Variants in KRT73 observed in about 807,000 individuals in gnomAD.
KRT73 encodes the protein keratin 73, also known as keratin, type II cytoskeletal 73.
KRT73 carries 44 observed loss-of-function variants against 47.2 expected under a neutral mutation model. That is an observed-to-expected ratio of 0.93 (90% CI 0.73 to 1.20). KRT73 has a LOEUF of 1.20. Among genes scored for constraint, KRT73 ranks in the 50% most tolerant of loss-of-function variants. The pLI, the probability that KRT73 is intolerant of heterozygous loss-of-function variation, is 0.00. For synonymous variants in KRT73, 285 were observed against 291.3 expected, an observed-to-expected ratio of 0.98 and a Z score of 0.22; for missense variants, 713 against 704.5, an observed-to-expected ratio of 1.01 and a Z score of -0.14.
chr12:52,617,691 C>T (rs1940839912), intron 1 of KRT73, among the ~76,000 whole-genome samples: 1 of 152,320 alleles, frequency 6.6e-6, no homozygotes, highest in East Asian at 1.9e-4. Flanking sequence ...AGAGACCGCT[C>T]TCATTGCTTC....
At position 52,616,297 on chromosome 12, in the gene KRT73, A is replaced by C. The variant is rs746449198; in HGVS notation, c.531T>G (p.Asn177Lys). Residue 177 changes from asparagine (N) to lysine (K), a missense_variant, in exon 2 of 9, where the codon AAT becomes AAG. Coordinates refer to ENST00000305748, the MANE Select transcript of KRT73 (RefSeq NM_175068.3). Reference sequence around the variant, plus strand: ...AGCCCTCAAGGATGGGCTCCAGGTTATTCTTGCAGTTGTTCAGGTCCAGCT... The same window carrying C: ...AGCCCTCAAGGATGGGCTCCAGGTTCTTCTTGCAGTTGTTCAGGTCCAGCT... ...LQQLDLNNCK[N>K]NLEPILEGYI... 2 of 1,614,026 alleles carry C rather than the reference A, an allele frequency of 1.2e-6. No individual in the cohort carries two copies. The highest frequency in any genetic ancestry group is 3.3e-5 in the Admixed American group (2 of 60,010).
intron 3 of KRT73, 123 bp from the exon 4 acceptor site, chr12:52,614,797 G>A (rs1236978244): frequency 2.8e-6 from 2 of 721,212 alleles, no homozygotes; most frequent in Non-Finnish European, 4.5e-6. Context: ...CCAAGGGGCA[G>A]GAACCGGCCT....
At chr12:52,614,925 A>G (rs1240951317) in intron 3 of KRT73, 2 of 526,672 alleles carry the variant, frequency 3.8e-6, no homozygotes, top group African/African-American at 1.9e-5. Context: ...TACCCCACTC[A>G]GCCAGTCATT....
the KRT73 span, among the ~76,000 whole-genome samples, chr12:52,627,328 T>C: frequency 1.3e-5 from 2 of 152,222 alleles, no homozygotes; most frequent in Non-Finnish European, 2.9e-5. Context: ...TTTGTATTAG[T>C]GTTGAGAACA....
chr12:52,628,880 G>A, the KRT73 span, among the ~76,000 whole-genome samples: 2 of 152,198 alleles, frequency 1.3e-5, no homozygotes, highest in African/African-American at 2.4e-5. Flanking sequence ...GCAGGTATGC[G>A]TGCTCAGGCA....
rs1253584175 is a variant in KRT73 at position 52,615,315 on chromosome 12, G to A, written c.687C>T (p.Arg229=). 1.9e-6 allele frequency: 3 copies of A among 1,613,896 alleles called. No individual in the cohort carries two copies. In the East Asian group the frequency reaches 6.7e-5, roughly 36 times the overall value. ...CCACAAATTCATTCTCAGCAGTTGTGCGCTTGTTTATTTCTTCTTCATACC... is the reference window on the plus strand; with the variant it reads ...CCACAAATTCATTCTCAGCAGTTGTACGCTTGTTTATTTCTTCTTCATACC... ...KKRYEEEINK[R]TTAENEFVVL... The change falls in exon 3 of 9, where the codon CGC becomes CGT. Residue 229 remains arginine (R), a synonymous_variant. Coordinates refer to ENST00000305748, the MANE Select transcript of KRT73 (RefSeq NM_175068.3).
the KRT73 span, among the ~76,000 whole-genome samples, chr12:52,626,353 T>G: frequency 5.9e-5 from 9 of 152,364 alleles, no homozygotes; most frequent in Admixed American, 5.9e-4. Context: ...TTTTAACCAC[T>G]ACTGCCTGAG....
At chr12:52,618,865 TG>T (rs1592246805), upstream of KRT73, among the ~76,000 whole-genome samples, 1 of 152,290 alleles carries the variant, frequency 6.6e-6, no homozygotes, top group East Asian at 1.9e-4. Context: ...CAGGGAGTGG[TG>T]GGGCCTGGGA....
At position 52,610,806 on chromosome 12, in the gene KRT73, G is replaced by A. The variant is rs146457780; in HGVS notation, c.1140C>T (p.Asp380=). The A allele has an allele frequency of 2.0e-4, 321 of 1,613,026 alleles. No homozygotes were observed. The highest frequency in any genetic ancestry group is 1.4e-3 in the South Asian group (131 of 91,046). Residue 380 remains aspartate, a synonymous_variant, in exon 7 of 9, where the codon GAC becomes GAT. Coordinates refer to ENST00000305748, the MANE Select transcript of KRT73 (RefSeq NM_175068.3). The part of the protein sequence containing the change: ...QCANLETAIA[D]AEQRGDCALK... ...GGGCACAGTCCCCCCGCTGCTCGGC[G>A]TCAGCGATGGCCGTCTCCAGGTTGG...
chr12:52,620,914 A>G (rs1408448790), upstream of KRT73, among the ~76,000 whole-genome samples: 1 of 152,190 alleles, frequency 6.6e-6, no homozygotes, highest in Non-Finnish European at 1.5e-5. Flanking sequence ...CCTAACGGCC[A>G]GAAATTTTCC....
In KRT73 at chr12:52,613,800, A is replaced by G; in HGVS notation, c.872T>C (p.Met291Thr). The G allele has an allele frequency of 3.7e-6, 6 of 1,614,248 alleles. No individual in the cohort carries two copies. Among genetic ancestry groups the G allele is most frequent in the African/African-American group, 2.7e-5 (2 of 75,068 alleles). ...HISDTSIILS[M>T]DNNRNLDLDS... ...CAGGTCCAGGTTCCGGTTGTTGTCC[A>G]TGGACAGGATGATGGACGTGTCGCT... The change falls in exon 5 of 9, where the codon ATG becomes ACG. Residue 291 changes from methionine (M) to threonine (T), a missense_variant. Transcript: ENST00000305748.
In KRT73 at chr12:52,610,430, G is replaced by A. The variant is rs896198559; in HGVS notation, c.1331+185C>T. The A allele has an allele frequency of 9.2e-6, 6 of 655,010 alleles. No individual in the cohort carries two copies. In the African/African-American group the frequency reaches 1.1e-4, roughly 12 times the overall value. The allele number at this position is 655,010 out of a possible 1,614,324, so 40.6% of individuals were successfully genotyped here. A position where few individuals can be genotyped will look rare whatever the true frequency, so the allele number is the denominator to read the frequency against. On this transcript the variant is annotated intron_variant, in intron 7 of 8. Transcript: ENST00000305748. ...ACCCAGCTAAGACTTTCTCCAAAGA[G>A]TCAAAAGAGAACTGTAAAGGAAATT...
chr12:52,608,122 G>A lies in KRT73; in HGVS notation c.*74C>T. ...AGGAGATGAGGACAAATGAGACAGA[G>A]GAATTTCCTAGAAGAGTCCGGAGCA... On this transcript the variant is annotated 3_prime_UTR_variant, in exon 9 of 9. Transcript: ENST00000305748. 4.7e-6 allele frequency: 7 copies of A among 1,479,062 alleles called. No homozygotes were observed. Among genetic ancestry groups the A allele is most frequent in the Non-Finnish European group, 4.6e-6 (5 of 1,094,472 alleles). The allele number at this position is 1,479,062 out of a possible 1,614,324, so 91.6% of individuals were successfully genotyped here.
rs768247627 is a variant in KRT73 at position 52,615,388 on chromosome 12, G to A, written c.663-49C>T. On this transcript the variant is annotated intron_variant, in intron 2 of 8. Transcript: ENST00000305748. ...GCAGAGTGTGTGTCTGTGTGTGTGT[G>A]TATACGTTCTCATAGTGAAATGAGA... is the stretch of plus-strand genomic sequence containing the variant. 32 of 1,396,056 alleles carry A rather than the reference G, an allele frequency of 2.3e-5. No homozygotes were observed. In the East Asian group the frequency reaches 3.7e-4, roughly 16 times the overall value. The allele number at this position is 1,396,056 out of a possible 1,614,324, so 86.5% of individuals were successfully genotyped here.
At position 52,618,530 on chromosome 12, in the gene KRT73, G is replaced by C; in HGVS notation, c.-6C>G. 1 of 1,590,308 alleles carries C rather than the reference G, an allele frequency of 6.3e-7. No homozygotes were observed. Among genetic ancestry groups the C allele is most frequent in the Non-Finnish European group, 8.6e-7 (1 of 1,168,454 alleles). ...TAGGTGAATTGGCGGCTCATGGTGG[G>C]GAGGCCAGAAAGTGGGGATAAGATG... is the stretch of plus-strand genomic sequence containing the variant. On this transcript the variant is annotated 5_prime_UTR_variant, in exon 1 of 9. Transcript: ENST00000305748.
upstream of KRT73, among the ~76,000 whole-genome samples, chr12:52,618,934 C>T (rs559120897): frequency 1.3e-5 from 2 of 152,344 alleles, no homozygotes; most frequent in Admixed American, 1.3e-4. Context: ...AGAAATCTCA[C>T]AACCATGCCA....
chr12:52,620,553 G>T (rs1482030239), upstream of KRT73, among the ~76,000 whole-genome samples: 1 of 152,132 alleles, frequency 6.6e-6, no homozygotes, highest in Non-Finnish European at 1.5e-5. Context: ...GGTGATTCAG[G>T]CCTGCATCTC....
the KRT73 span, among the ~76,000 whole-genome samples, chr12:52,626,032 T>C: frequency 6.6e-6 from 1 of 152,100 alleles, no homozygotes; most frequent in Admixed American, 6.5e-5. Context: ...TGTGTCCAAA[T>C]GAGGACAACA....
At chr12:52,609,093 G>A (rs546284584) in intron 8 of KRT73, among the ~76,000 whole-genome samples, 154 bp downstream of exon 8, 1 of 152,214 alleles carries the variant, frequency 6.6e-6, no homozygotes, top group Non-Finnish European at 1.5e-5. Flanking sequence ...TCTGAATGGG[G>A]AGGCCGCAGG....
Sources: gnomAD v4.1 joint callset for allele counts (sites outside exome capture counted in the v4.1 genomes callset) on GRCh38, gnomAD v4.1.1 for gene constraint, MANE v1.5 for transcripts, NCBI Gene and HGNC (gene_info 2026-07-23, HGNC 2026-07-21) for gene names.